The following UGT8 variants were observed in gnomAD, a reference collection of about 807,000 sequenced individuals.
The protein encoded by UGT8 is 2-hydroxyacylsphingosine 1-beta-galactosyltransferase.
A neutral mutation model predicts 40.5 loss-of-function variants in UGT8; 12 were observed. That is an observed-to-expected ratio of 0.30 (90% CI 0.19 to 0.48). UGT8 has a LOEUF of 0.48. UGT8 is among the 20% of genes least tolerant of loss of function. The probability of loss-of-function intolerance (pLI) is 0.99; values close to 1 mark genes in which losing one functional copy is unlikely to be tolerated. For synonymous variants in UGT8, 224 were observed against 240.4 expected, an observed-to-expected ratio of 0.93 and a Z score of 0.63; for missense variants, 513 against 648.7, an observed-to-expected ratio of 0.79 and a Z score of 2.27.
At chr4:114,628,270 G>C (rs1732362744) in intron 2 of UGT8, among the ~76,000 whole-genome samples, 1 of 152,022 alleles carries the variant, frequency 6.6e-6, no homozygotes, top group Non-Finnish European at 1.5e-5. Context: ...CTCCCAAGTA[G>C]CTGGGATTAG....
rs373182123 is a variant in UGT8, at chr4:114,627,547, C to A, written c.822+3845C>A. Among the ~76,000 whole-genome samples, 62 of 152,124 alleles carry A rather than the reference C, an allele frequency of 4.1e-4. 2 individuals are homozygous for A. In the South Asian group the frequency reaches 0.013, roughly 32 times the overall value. On this transcript the variant is annotated intron_variant, in intron 2 of 5. Coordinates refer to ENST00000310836, the MANE Select transcript of UGT8 (RefSeq NM_001128174.3). ...TGCTGGGATTACAGGTGTGAGCCAC[C>A]GCGCCTGGCCAAATAGATCCTTTAA... is the stretch of plus-strand genomic sequence containing the variant.
intron 2 of UGT8, among the ~76,000 whole-genome samples, chr4:114,627,810 T>C (rs1327879951): frequency 2.6e-5 from 4 of 152,196 alleles, no homozygotes; most frequent in African/African-American, 7.2e-5. Flanking sequence ...TGAACTCTTA[T>C]AGCACCTAAT....
intron 2 of UGT8, among the ~76,000 whole-genome samples, chr4:114,638,072 G>A (rs970813207): frequency 3.3e-5 from 5 of 152,164 alleles, no homozygotes; most frequent in African/African-American, 1.2e-4. Context: ...AGAATGACAT[G>A]TGGTGCTTGT....
intron 5 of UGT8, among the ~76,000 whole-genome samples, chr4:114,669,533 C>G (rs1213822004): frequency 2.0e-5 from 3 of 152,044 alleles, no homozygotes; most frequent in Non-Finnish European, 4.4e-5. Flanking sequence ...AGTTGCAGAA[C>G]TGCTGAAATT....
Position 114,651,012 on chromosome 4 carries a change from C to T in UGT8, c.823-12983C>T, listed in dbSNP as rs541317737. Reference sequence around the variant, plus strand: ...CCTGAAACTCACCTTTTCAGAAACTCCTTACTTGATTGATCCTGGAAAGAT... The same window carrying T: ...CCTGAAACTCACCTTTTCAGAAACTTCTTACTTGATTGATCCTGGAAAGAT... On this transcript the variant is annotated intron_variant, in intron 2 of 5. Coordinates refer to ENST00000310836, the MANE Select transcript of UGT8 (RefSeq NM_001128174.3). Among the ~76,000 whole-genome samples, 111 of 151,994 alleles carry T rather than the reference C, an allele frequency of 7.3e-4. 1 individual carries two copies. Among genetic ancestry groups the T allele is most frequent in the Middle Eastern group, 6.8e-3 (2 of 294 alleles).
At chr4:114,667,854 A>G (rs1734985963) in intron 4 of UGT8, 1 of 830,298 alleles carries the variant, frequency 1.2e-6, no homozygotes, top group East Asian at 1.3e-4. Flanking sequence ...ATAGTAATAT[A>G]CATTTCAACT....
In UGT8 at chr4:114,676,012, T is replaced by C; in HGVS notation, c.1350T>C (p.Tyr450=). ...PVNRTIYWID[Y]IIRHNGAHHL... is the part of the protein sequence containing the mutation. ...ATCGAACTATCTATTGGATAGATTA[T>C]ATTATTCGTCACAATGGAGCCCATC... The change falls in exon 6 of 6, where the codon TAT becomes TAC. Residue 450 remains tyrosine (Y), a synonymous_variant. Transcript: ENST00000310836. 6.2e-7 allele frequency: 1 copy of C among 1,614,214 alleles called. No homozygotes were observed. The highest frequency in any genetic ancestry group is 2.2e-5 in the East Asian group (1 of 44,868).
chr4:114,663,460 A>T (rs1402383054), intron 2 of UGT8, among the ~76,000 whole-genome samples: 1 of 152,056 alleles, frequency 6.6e-6, no homozygotes, highest in Non-Finnish European at 1.5e-5. Flanking sequence ...TTTGGCAAAG[A>T]TTTATTCAAA....
intron 2 of UGT8, among the ~76,000 whole-genome samples, chr4:114,627,535 G>A (rs1252687301): frequency 6.6e-6 from 1 of 152,086 alleles, no homozygotes; most frequent in Non-Finnish European, 1.5e-5. Flanking sequence ...TGGGATTACA[G>A]GTGTGAGCCA....
intron 1 of UGT8, among the ~76,000 whole-genome samples, chr4:114,605,917 A>T (rs1274667600): frequency 6.6e-6 from 1 of 152,176 alleles, no homozygotes; most frequent in Non-Finnish European, 1.5e-5. Context: ...ACAGAAAAAA[A>T]TTGTGGTTAG....
intron 2 of UGT8, among the ~76,000 whole-genome samples, chr4:114,658,324 C>A (rs1403967795): frequency 2.0e-5 from 3 of 152,188 alleles, no homozygotes; most frequent in Non-Finnish European, 4.4e-5. Flanking sequence ...GTAGGATTCT[C>A]TCACAGTCCA....
intron 1 of UGT8, among the ~76,000 whole-genome samples, chr4:114,609,345 G>C (rs1730910782): frequency 1.3e-5 from 2 of 152,204 alleles, no homozygotes; most frequent in African/African-American, 4.8e-5. Context: ...AGTAATGCTT[G>C]TCTGTTTAAT....
At chr4:114,663,013 C>T (rs1291092267) in intron 2 of UGT8, among the ~76,000 whole-genome samples, 1 of 150,834 alleles carries the variant, frequency 6.6e-6, no homozygotes, top group African/African-American at 2.4e-5. Context: ...TTAGCAGAGA[C>T]GGGGTTTCAC....
chr4:114,610,612 A>G (rs545306411), intron 1 of UGT8, among the ~76,000 whole-genome samples: 31 of 152,302 alleles, frequency 2.0e-4, no homozygotes, highest in Admixed American at 1.4e-3. Context: ...GGATTAAGAT[A>G]ACTTCTGTTT....
Position 114,630,781 on chromosome 4 carries a change from A to G in UGT8, c.822+7079A>G, listed in dbSNP as rs940655629. On this transcript the variant is annotated intron_variant, in intron 2 of 5. Transcript: ENST00000310836. ...GATAGATATATCTTCTCTAGGGTAG[A>G]AAGAAGAATTAAGGGAGTAGCTTCA... Among the ~76,000 whole-genome samples, 4 of 152,196 alleles carry G rather than the reference A, an allele frequency of 2.6e-5. No individual in the cohort carries two copies. The South Asian group carries it at 8.3e-4, about 31-fold the overall frequency.
chr4:114,647,895 G>A (rs1369382754), intron 2 of UGT8, among the ~76,000 whole-genome samples: 2 of 152,070 alleles, frequency 1.3e-5, no homozygotes, highest in Non-Finnish European at 2.9e-5. Context: ...TGTTCTTGAC[G>A]GTTAATTGAC....
intron 2 of UGT8, among the ~76,000 whole-genome samples, chr4:114,627,575 A>G (rs951624473): frequency 1.1e-4 from 16 of 152,124 alleles, no homozygotes; most frequent in African/African-American, 3.9e-4. Context: ...TCCTTTAAAT[A>G]TTAAATGTGA....
intron 2 of UGT8, among the ~76,000 whole-genome samples, chr4:114,636,089 G>A (rs564003819): frequency 6.6e-6 from 1 of 152,218 alleles, no homozygotes; most frequent in Non-Finnish European, 1.5e-5. Context: ...GGAAATCATG[G>A]TAATATATAT....
At chr4:114,630,620 TTC>T (rs1732508288) in intron 2 of UGT8, among the ~76,000 whole-genome samples, 3 of 152,092 alleles carry the variant, frequency 2.0e-5, no homozygotes, top group African/African-American at 4.8e-5. Flanking sequence ...ACACTGGTAC[TTC>T]TGTTTCCATC....
Sources: allele counts gnomAD v4.1 joint callset (sites outside exome capture counted in the v4.1 genomes callset), GRCh38; gene constraint gnomAD v4.1.1; transcripts MANE v1.5; gene names NCBI Gene and HGNC (gene_info 2026-07-23, HGNC 2026-07-21).